The following CADPS variants were observed in gnomAD, a reference collection of about 807,000 sequenced individuals.
CADPS encodes calcium dependent secretion activator, also known as calcium-dependent secretion activator 1.
Under a neutral mutation model 167.3 loss-of-function variants are expected in CADPS, and 57 were observed. The observed-to-expected ratio is 0.34, with a 90% confidence interval of 0.28 to 0.42. The LOEUF is 0.42. Among genes scored for constraint, CADPS ranks in the 20% least tolerant of loss-of-function variants. The pLI, the probability that CADPS is intolerant of heterozygous loss-of-function variation, is 1.00. For missense variants in CADPS, 1,414 were observed against 1,738.1 expected (o/e 0.81, Z 3.32); for synonymous variants, 676 against 635.3 (o/e 1.06, Z -0.96).
At chr3:62,763,225 CAA>C (rs1055489867) in intron 2 of CADPS, among the ~76,000 whole-genome samples, 3 of 152,140 alleles carry the variant, frequency 2.0e-5, no homozygotes, top group Non-Finnish European at 2.9e-5. Flanking sequence ...GTCAGTCCAA[CAA>C]AGTCACCCCA....
chr3:62,568,754 C>T (rs980939354), intron 9 of CADPS, among the ~76,000 whole-genome samples: 2 of 152,200 alleles, frequency 1.3e-5, no homozygotes, highest in African/African-American at 4.8e-5. Flanking sequence ...TTGGTTCTGT[C>T]TCTCTGGAGA....
chr3:62,657,834 T>C (rs753436528), intron 4 of CADPS, among the ~76,000 whole-genome samples: 5 of 152,138 alleles, frequency 3.3e-5, no homozygotes, highest in Non-Finnish European at 7.4e-5. Flanking sequence ...GACAGACATG[T>C]CTTTCAGTGG....
chr3:62,629,959 GT>G lies in CADPS; in HGVS notation c.1325+15762del, dbSNP rs765290041. ...GTAATTTGAAGCTAATCTCAAGGGA[GT>G]TTTTCCCATCACACCAGTGATTTCC... On this transcript the variant is annotated intron_variant, in intron 6 of 29. Transcript: ENST00000383710. 4.6e-5 allele frequency among the ~76,000 whole-genome samples: 7 copies of G among 152,188 alleles called. No individual in the cohort carries two copies. In the South Asian group the frequency reaches 1.2e-3, roughly 27 times the overall value.
chr3:62,665,942 G>T (rs1291636254), intron 3 of CADPS, among the ~76,000 whole-genome samples: 1 of 152,202 alleles, frequency 6.6e-6, no homozygotes, highest in Non-Finnish European at 1.5e-5. Context: ...AATGGTGGCT[G>T]CTGCTCCTTG....
chr3:62,548,011 G>A (rs1002478335), intron 11 of CADPS, among the ~76,000 whole-genome samples: 1 of 152,120 alleles, frequency 6.6e-6, no homozygotes, highest in African/African-American at 2.4e-5. Flanking sequence ...TAGAAGAAAT[G>A]AAGATTATTT....
intron 24 of CADPS, among the ~76,000 whole-genome samples, chr3:62,470,473 T>C (rs956708284): frequency 6.6e-6 from 1 of 152,250 alleles, no homozygotes; most frequent in African/African-American, 2.4e-5. Flanking sequence ...TGGAGATGAA[T>C]ATTCCCATTC....
chr3:62,451,975 T>C (rs1447166134), intron 26 of CADPS, among the ~76,000 whole-genome samples: 1 of 152,198 alleles, frequency 6.6e-6, no homozygotes, highest in Non-Finnish European at 1.5e-5. Flanking sequence ...CAGCCTCATA[T>C]CTAGAATGTA....
intron 1 of CADPS, among the ~76,000 whole-genome samples, chr3:62,771,107 C>T (rs931207827): frequency 1.3e-5 from 2 of 152,180 alleles, no homozygotes; most frequent in African/African-American, 4.8e-5. Context: ...ATATGTTTCA[C>T]AAGTACAAGG....
chr3:62,579,467 A>C (rs1488900720), intron 8 of CADPS, among the ~76,000 whole-genome samples: 1 of 152,234 alleles, frequency 6.6e-6, no homozygotes, highest in Non-Finnish European at 1.5e-5. Context: ...CAAACTAATA[A>C]ATAAAGAAGT....
At chr3:62,444,518 T>C (rs949497914) in intron 27 of CADPS, among the ~76,000 whole-genome samples, 1 of 152,254 alleles carries the variant, frequency 6.6e-6, no homozygotes, top group African/African-American at 2.4e-5. Flanking sequence ...GTTTATACTT[T>C]GGAGGCTTGA....
rs2080002062 is a variant in CADPS at position 62,740,586 on chromosome 3, C to A, written c.888+12855G>T. 2.0e-5 allele frequency among the ~76,000 whole-genome samples: 3 copies of A among 152,148 alleles called. No homozygotes were observed. In the South Asian group the frequency reaches 6.2e-4, roughly 31 times the overall value. ...CTAAACAATTTCTTCATCATTCAAA[C>A]CCAGCTCACCTAATACCTTCTCTGT... On this transcript the variant is annotated intron_variant, in intron 3 of 29. Transcript: ENST00000383710.
chr3:62,533,244 A>T (rs1289587554), intron 12 of CADPS, among the ~76,000 whole-genome samples, 186 bp from the exon 13 acceptor site: 6 of 152,112 alleles, frequency 3.9e-5, no homozygotes, highest in South Asian at 4.1e-4. Context: ...GGAACCTATG[A>T]GGTACATTCT....
Position 62,686,736 on chromosome 3 carries a change from C to A in CADPS, c.889-24342G>T, listed in dbSNP as rs185900302. Among the ~76,000 whole-genome samples, 92 of 152,112 alleles carry A rather than the reference C, an allele frequency of 6.0e-4. 1 individual carries two copies. The highest frequency in any genetic ancestry group is 2.0e-3 in the African/African-American group (82 of 41,484). On this transcript the variant is annotated intron_variant, in intron 3 of 29. Coordinates refer to ENST00000383710, the MANE Select transcript of CADPS (RefSeq NM_003716.4). ...CCTTGTCTGTCTTGTATTGGTGACT[C>A]ATAATAAGTAAAGCCCAACTCATTT...
At chr3:62,705,021 A>C (rs971189338) in intron 3 of CADPS, among the ~76,000 whole-genome samples, 1 of 152,098 alleles carries the variant, frequency 6.6e-6, no homozygotes, top group African/African-American at 2.4e-5. Flanking sequence ...CTGCACCTTG[A>C]TGATGCTTGG....
At chr3:62,806,655 C>G (rs142104255) in intron 1 of CADPS, among the ~76,000 whole-genome samples, 1 of 152,196 alleles carries the variant, frequency 6.6e-6, no homozygotes, top group East Asian at 1.9e-4. Flanking sequence ...AATTAGGTAA[C>G]GTATTTAAGG....
chr3:62,495,659 A>G (rs1359840827), intron 18 of CADPS, among the ~76,000 whole-genome samples: 1 of 152,236 alleles, frequency 6.6e-6, no homozygotes, highest in Admixed American at 6.5e-5. Context: ...TAACATGTAT[A>G]TATGTACTCC....
intron 3 of CADPS, among the ~76,000 whole-genome samples, chr3:62,671,071 C>T (rs983375936): frequency 2.6e-5 from 4 of 152,162 alleles, no homozygotes; most frequent in African/African-American, 9.7e-5. Flanking sequence ...TACTAAGCTG[C>T]CTCTGTCTGT....
At chr3:62,785,030 T>C (rs2092283206) in intron 1 of CADPS, among the ~76,000 whole-genome samples, 2 of 152,204 alleles carry the variant, frequency 1.3e-5, no homozygotes, top group South Asian at 2.1e-4. Context: ...TTATAATATC[T>C]ATAAATATAA....
chr3:62,567,544 C>T (rs2080454619), intron 9 of CADPS, among the ~76,000 whole-genome samples: 1 of 134,772 alleles, frequency 7.4e-6, no homozygotes, highest in Non-Finnish European at 1.6e-5. Context: ...GGGGCGAGAA[C>T]CATCCATGAC....
Sources: gnomAD v4.1 joint callset for allele counts (sites outside exome capture counted in the v4.1 genomes callset) on GRCh38, gnomAD v4.1.1 for gene constraint, MANE v1.5 for transcripts, NCBI Gene and HGNC (gene_info 2026-07-23, HGNC 2026-07-21) for gene names.